Variants in CCDC171 observed in about 807,000 individuals in gnomAD.
The protein encoded by CCDC171 is coiled-coil domain-containing protein 171.
A neutral mutation model predicts 168.2 loss-of-function variants in CCDC171; 177 were observed. The observed-to-expected ratio is 1.05, with a 90% CI of 0.93 to 1.19. CCDC171 has a LOEUF of 1.19. Ranked by LOEUF, CCDC171 falls within the 50% of genes most tolerant of loss-of-function variation. CCDC171 has a pLI of 0.00. For synonymous variants in CCDC171, 687 were observed against 540.8 expected (o/e 1.27, Z -3.75); for missense variants, 1,991 against 1,539.0 (o/e 1.29, Z -4.91).
intron 6 of CCDC171, among the ~76,000 whole-genome samples, chr9:15,599,630 G>T (rs1310807795): frequency 6.6e-6 from 1 of 152,048 alleles, no homozygotes; most frequent in Non-Finnish European, 1.5e-5. Context: ...ATGTGTCTTG[G>T]AGTTGCTCCT....
At chr9:15,700,043 G>A (rs954210398) in intron 11 of CCDC171, among the ~76,000 whole-genome samples, 5 of 152,314 alleles carry the variant, frequency 3.3e-5, no homozygotes, top group East Asian at 3.9e-4. Flanking sequence ...CCGTGTGACC[G>A]CACTCCTCAG....
At chr9:15,660,088 A>C (rs1388127575) in intron 8 of CCDC171, among the ~76,000 whole-genome samples, 1 of 152,194 alleles carries the variant, frequency 6.6e-6, no homozygotes, top group Non-Finnish European at 1.5e-5. Context: ...AGAACTCCCA[A>C]TGTAAGATAC....
chr9:16,042,423 C>A (rs559318669), upstream of CCDC171, among the ~76,000 whole-genome samples: 1 of 152,170 alleles, frequency 6.6e-6, no homozygotes, highest in Admixed American at 6.5e-5. Context: ...CTGGGTAGGA[C>A]CAGCTTCAGG....
intron 3 of CCDC171, among the ~76,000 whole-genome samples, chr9:15,997,855 C>G (rs1038144086): frequency 2.0e-5 from 3 of 152,150 alleles, no homozygotes; most frequent in Non-Finnish European, 2.9e-5. Flanking sequence ...AGGTTTAACA[C>G]GTATCCTTCC....
chr9:15,908,913 C>T (rs1300934703), intron 24 of CCDC171, among the ~76,000 whole-genome samples: 2 of 152,154 alleles, frequency 1.3e-5, no homozygotes, highest in Non-Finnish European at 2.9e-5. Context: ...CCGCTTCCAG[C>T]ACTGGGGATT....
chr9:15,912,174 T>C (rs534634623), intron 24 of CCDC171, among the ~76,000 whole-genome samples: 1 of 152,242 alleles, frequency 6.6e-6, no homozygotes, highest in Non-Finnish European at 1.5e-5. Context: ...ATTCTTCCTA[T>C]TCATGAGCAT....
chr9:16,048,877 G>A (rs1833705527), intron 1 of CCDC171, among the ~76,000 whole-genome samples: 1 of 150,490 alleles, frequency 6.6e-6, no homozygotes, highest in Non-Finnish European at 1.5e-5. Flanking sequence ...GGGTTTCAGG[G>A]AGGCATTTAG....
chr9:15,836,784 A>T lies in CCDC171; in HGVS notation c.3268-9918A>T, dbSNP rs575431476. On this transcript the variant is annotated intron_variant, in intron 21 of 25. Coordinates refer to ENST00000380701, the MANE Select transcript of CCDC171 (RefSeq NM_173550.4). ...ATTCCTGATTTTGACAGGACAGGGT[A>T]TATATAATCTTCTTTCCAGAAAGGA... Among the ~76,000 whole-genome samples, 12 of 152,354 alleles carry T rather than the reference A, an allele frequency of 7.9e-5. No individual in the cohort carries two copies. In the South Asian group the frequency reaches 2.5e-3, roughly 32 times the overall value.
intron 24 of CCDC171, among the ~76,000 whole-genome samples, chr9:15,885,073 G>A (rs1170289116): frequency 1.3e-5 from 2 of 152,114 alleles, no homozygotes; most frequent in Non-Finnish European, 2.9e-5. Flanking sequence ...ATAAAGTAAT[G>A]CAAACATTAC....
chr9:15,642,577 A>G (rs1435745572), intron 7 of CCDC171, among the ~76,000 whole-genome samples: 1 of 151,722 alleles, frequency 6.6e-6, no homozygotes, highest in African/African-American at 2.4e-5. Context: ...ATTGGACTAG[A>G]AGATTTAAAA....
Position 15,729,683 on chromosome 9 carries a change from C to G in CCDC171, c.1934C>G (p.Thr645Ser). ...MRELQQTQED[T>S]FTKVAEQIKA... The stretch of plus-strand genomic sequence containing the variant: ...GAGCTTCAGCAGACTCAGGAAGACA[C>G]CTTTACCAAAGTGGCAGAACAGATC... The change falls in exon 16 of 26, where the codon ACC becomes AGC. Residue 645 changes from threonine to serine, a missense_variant. By Grantham distance (58) the Thr-to-Ser change is moderately conservative (BLOSUM62 1). Coordinates refer to ENST00000380701, the MANE Select transcript of CCDC171 (RefSeq NM_173550.4). 5 of 1,613,262 alleles carry G rather than the reference C, an allele frequency of 3.1e-6. No homozygotes were observed. The highest frequency in any genetic ancestry group is 2.2e-5 in the East Asian group (1 of 44,854).
chr9:15,896,856 G>A (rs1020464722), intron 24 of CCDC171, among the ~76,000 whole-genome samples: 2 of 152,044 alleles, frequency 1.3e-5, no homozygotes, highest in South Asian at 2.1e-4. Flanking sequence ...CCTAATACAT[G>A]TAGGACCGAA....
chr9:15,643,411 G>A (rs942616554), intron 7 of CCDC171, among the ~76,000 whole-genome samples: 3 of 152,156 alleles, frequency 2.0e-5, no homozygotes, highest in African/African-American at 7.2e-5. Flanking sequence ...TATGCATCAT[G>A]CTTTATACCT....
At chr9:15,909,525 G>A (rs1240615230) in intron 24 of CCDC171, among the ~76,000 whole-genome samples, 3 of 152,064 alleles carry the variant, frequency 2.0e-5, no homozygotes, top group Non-Finnish European at 2.9e-5. Flanking sequence ...ATGTCCTGGC[G>A]AAACAAGTAT....
intron 21 of CCDC171, among the ~76,000 whole-genome samples, chr9:15,810,627 T>C (rs1192223902): frequency 8.5e-5 from 13 of 152,232 alleles, no homozygotes; most frequent in African/African-American, 3.1e-4. Context: ...TGGTGCACCC[T>C]CCGCAGCTGC....
chr9:15,585,931 G>A (rs183648961), intron 4 of CCDC171, among the ~76,000 whole-genome samples: 31 of 152,112 alleles, frequency 2.0e-4, no homozygotes, highest in African/African-American at 6.3e-4. Context: ...AGCTGAAATC[G>A]TACCACTGCA....
At chr9:15,851,020 G>A (rs904913793) in intron 23 of CCDC171, among the ~76,000 whole-genome samples, 10 of 151,978 alleles carry the variant, frequency 6.6e-5, no homozygotes, top group Non-Finnish European at 8.8e-5. Flanking sequence ...TACCCGCTGA[G>A]TTGAATTTTA....
chr9:15,951,508 T>C (rs185152861), intron 25 of CCDC171, among the ~76,000 whole-genome samples: 116 of 149,042 alleles, frequency 7.8e-4, no homozygotes, highest in Non-Finnish European at 1.1e-3. Context: ...TGCCAACACT[T>C]GTGATTATCT....
rs1385418109 is a variant in CCDC171, at chr9:15,557,569, AT to A, written c.-112+4272del. Among the ~76,000 whole-genome samples the A allele has an allele frequency of 2.6e-5, 4 of 152,194 alleles. No individual in the cohort carries two copies. The East Asian group carries it at 7.7e-4, about 29-fold the overall frequency. On this transcript the variant is annotated intron_variant, in intron 1 of 25. Transcript: ENST00000380701. ...TTATTGGTGTATAAGAATGCTTGTG[AT>A]TTTTGCACATTGATTTTGTATCCTG...
Sources: allele counts gnomAD v4.1 joint callset (sites outside exome capture counted in the v4.1 genomes callset), GRCh38; gene constraint gnomAD v4.1.1; transcripts MANE v1.5; gene names NCBI Gene and HGNC (gene_info 2026-07-23, HGNC 2026-07-21).